The following HNF1B variants were observed in gnomAD, a reference collection of about 807,000 sequenced individuals.
HNF1B encodes HNF1 homeobox B.
HNF1B carries 8 observed loss-of-function variants against 61.7 expected under a neutral mutation model. The observed-to-expected ratio is 0.13, with a 90% CI of 0.08 to 0.23. The LOEUF (loss-of-function observed/expected upper bound fraction) is 0.23. HNF1B is among the 10% of genes least tolerant of loss of function. The probability of loss-of-function intolerance (pLI) is 1.00; values close to 1 mark genes in which losing one functional copy is unlikely to be tolerated. For synonymous variants in HNF1B, 314 were observed against 287.7 expected (o/e 1.09, Z -0.93); for missense variants, 562 against 714.5 (o/e 0.79, Z 2.43).
At chr17:37,708,085 A>G (rs2147466562) in intron 5 of HNF1B, among the ~76,000 whole-genome samples, 1 of 152,304 alleles carries the variant, frequency 6.6e-6, no homozygotes, top group African/African-American at 2.4e-5. Context: ...GAAGAAACTG[A>G]GGTTAAGCAA....
rs143904858 is a variant in HNF1B, at chr17:37,739,073, TTGAC to T, written c.544+363_544+366del. On this transcript the variant is annotated intron_variant, in intron 2 of 8. Coordinates refer to ENST00000617811, the MANE Select transcript of HNF1B (RefSeq NM_000458.4). ...TGCAACGAAATGTCTTCTTTGGAAA[TTGAC>T]TGATGGTCACGTATCAAGGGGAGAT... Among the ~76,000 whole-genome samples the T allele has an allele frequency of 6.4e-3, 977 of 152,302 alleles. 12 individuals are homozygous for T. The highest frequency in any genetic ancestry group is 0.022 in the African/African-American group (934 of 41,552).
intron 2 of HNF1B, among the ~76,000 whole-genome samples, chr17:37,735,871 G>A (rs759029722): frequency 3.9e-5 from 6 of 152,080 alleles, no homozygotes; most frequent in Non-Finnish European, 5.9e-5. Context: ...CCATCCTCTC[G>A]CCTTAGCCTC....
intron 8 of HNF1B, among the ~76,000 whole-genome samples, chr17:37,698,595 A>G (rs1167596558): frequency 3.9e-5 from 6 of 152,156 alleles, no homozygotes; most frequent in African/African-American, 1.4e-4. Context: ...TCATTCCCAG[A>G]GCTTATGGCA....
At chr17:37,699,694 C>T (rs945481276) in intron 7 of HNF1B, among the ~76,000 whole-genome samples, 4 of 152,206 alleles carry the variant, frequency 2.6e-5, no homozygotes, top group East Asian at 3.8e-4. Context: ...AGCACATCAC[C>T]AGGCTCTGGG....
Position 37,739,657 on chromosome 17 carries a change from T to C in HNF1B, c.345-18A>G. The stretch of plus-strand genomic sequence containing the variant: ...GGTCCTCACTAGACAGACAAGCAGA[T>C]GGTTAGGGTACTAGTGGGAGACATC... On this transcript the variant is annotated intron_variant, in intron 1 of 8. Transcript: ENST00000617811. 1 of 1,594,238 alleles carries C rather than the reference T, an allele frequency of 6.3e-7. No individual in the cohort carries two copies. Among genetic ancestry groups the C allele is most frequent in the Non-Finnish European group, 8.6e-7 (1 of 1,166,960 alleles).
At chr17:37,731,277 T>C (rs1568663459) in intron 4 of HNF1B, 1 of 504,566 alleles carries the variant, frequency 2.0e-6, no homozygotes, top group Non-Finnish European at 3.6e-6. Flanking sequence ...GGCCCACCCA[T>C]AAGGCAGCCT....
At position 37,734,192 on chromosome 17, in the gene HNF1B, C is replaced by G. The variant is rs111381502; in HGVS notation, c.545-371G>C. 3.7e-3 allele frequency among the ~76,000 whole-genome samples: 571 copies of G among 152,340 alleles called. 2 individuals carry two copies. Among genetic ancestry groups the G allele is most frequent in the Non-Finnish European group, 6.0e-3 (411 of 68,034 alleles). On this transcript the variant is annotated intron_variant, in intron 2 of 8. Coordinates refer to ENST00000617811, the MANE Select transcript of HNF1B (RefSeq NM_000458.4). ...GGGTGAGCTCAATCAAGTCTCACAT[C>G]CAGGGGAGAACTGCTCAAAGGTACA...
intron 4 of HNF1B, among the ~76,000 whole-genome samples, chr17:37,725,874 T>C (rs962506707): frequency 6.6e-6 from 1 of 152,228 alleles, no homozygotes; most frequent in African/African-American, 2.4e-5. Flanking sequence ...AGGCATTTAG[T>C]AGTCCAGACA....
Position 37,697,636 on chromosome 17 carries a change from C to T in HNF1B, c.1653+1440G>A, listed in dbSNP as rs867941865. ...AAGGTATTCCCAAGGAGGGCCGCTG[C>T]GCCTGGCTGCCCCCCTGATTGAGAT... On this transcript the variant is annotated intron_variant, in intron 8 of 8. Transcript: ENST00000617811. Among the ~76,000 whole-genome samples, 7 of 152,176 alleles carry T rather than the reference C, an allele frequency of 4.6e-5. 1 individual carries two copies. Among genetic ancestry groups the T allele is most frequent in the South Asian group, 4.1e-4 (2 of 4,828 alleles).
Position 37,715,662 on chromosome 17 carries a change from C to T in HNF1B, c.1046-4999G>A, listed in dbSNP as rs372144931. ...CAATATGGAGTCACATCTTTTCCTT[C>T]CCATGTCAGATAACCCTTTCTCCAC... On this transcript the variant is annotated intron_variant, in intron 4 of 8. Coordinates refer to ENST00000617811, the MANE Select transcript of HNF1B (RefSeq NM_000458.4). Among the ~76,000 whole-genome samples, 163 of 152,308 alleles carry T rather than the reference C, an allele frequency of 1.1e-3. 1 individual carries two copies. Among genetic ancestry groups the T allele is most frequent in the African/African-American group, 2.9e-3 (120 of 41,560 alleles).
intron 4 of HNF1B, among the ~76,000 whole-genome samples, chr17:37,714,191 T>G (rs903757871): frequency 6.6e-6 from 1 of 152,230 alleles, no homozygotes; most frequent in African/African-American, 2.4e-5. Flanking sequence ...AATACCCAGA[T>G]CATGCTGGGC....
chr17:37,731,283 A>G (rs1259484221), intron 4 of HNF1B: 2 of 519,294 alleles, frequency 3.9e-6, no homozygotes, highest in Admixed American at 3.2e-5. Context: ...CCCATAAGGC[A>G]GCCTCCTCAG....
At chr17:37,741,734 C>T (rs1230544186) in intron 1 of HNF1B, among the ~76,000 whole-genome samples, 1 of 152,128 alleles carries the variant, frequency 6.6e-6, no homozygotes, top group Non-Finnish European at 1.5e-5. Flanking sequence ...ATGCCTTTAC[C>T]TGTGTTCATT....
At chr17:37,699,374 C>G (rs1444963529) in intron 7 of HNF1B, among the ~76,000 whole-genome samples, 180 bp from the exon 8 acceptor site, 1 of 151,984 alleles carries the variant, frequency 6.6e-6, no homozygotes, top group Non-Finnish European at 1.5e-5. Flanking sequence ...GTCACATAAC[C>G]AACTCCCGAA....
At chr17:37,730,036 A>G (rs2033636979) in intron 4 of HNF1B, 1 of 100,980 alleles carries the variant, frequency 9.9e-6, no homozygotes, top group African/African-American at 5.2e-5. Flanking sequence ...TAAACCAACG[A>G]CCCCGTGGTG....
At chr17:37,709,452 G>A (rs1445800843) in intron 5 of HNF1B, among the ~76,000 whole-genome samples, 1 of 151,346 alleles carries the variant, frequency 6.6e-6, no homozygotes, top group East Asian at 1.9e-4. Context: ...ATGGTGTTTC[G>A]CCCTGTTGTC....
rs953732301 is a variant in HNF1B at position 37,731,650 on chromosome 17, G to A, written c.990C>T (p.Leu330=). The change falls in exon 4 of 9, where the codon CTC becomes CTT. Residue 330 remains leucine, a synonymous_variant. Transcript: ENST00000617811. The part of the protein sequence containing the change: ...SNQTHSLNPL[L]SHGSPHHQPS... ...GCTGGTGGTGGGGGGAGCCGTGGGA[G>A]AGCAGAGGGTTCAGGCTGTGAGTCT... The A allele has an allele frequency of 6.2e-7, 1 of 1,614,174 alleles. No individual in the cohort carries two copies. Among genetic ancestry groups the A allele is most frequent in the Non-Finnish European group, 8.5e-7 (1 of 1,180,004 alleles).
chr17:37,693,399 GA>G (rs2032274530), intron 8 of HNF1B, among the ~76,000 whole-genome samples: 1 of 152,108 alleles, frequency 6.6e-6, no homozygotes, highest in African/African-American at 2.4e-5. Context: ...TCCCAACAGG[GA>G]ATTAACTGCC....
chr17:37,712,793 A>G (rs915470458), intron 4 of HNF1B, among the ~76,000 whole-genome samples: 2 of 152,172 alleles, frequency 1.3e-5, no homozygotes, highest in African/African-American at 4.8e-5. Context: ...TTTTTGGATT[A>G]GAGGTAACAT....
Sources: allele counts gnomAD v4.1 joint callset (sites outside exome capture counted in the v4.1 genomes callset), GRCh38; gene constraint gnomAD v4.1.1; transcripts MANE v1.5; gene names NCBI Gene and HGNC (gene_info 2026-07-23, HGNC 2026-07-21).